NEGR1: variants seen among roughly 807,000 people sequenced by gnomAD.
The protein encoded by NEGR1 is neuronal growth regulator 1, also known as IgLON family member 4.
In NEGR1, 10 loss-of-function variants were observed where a neutral mutation model predicts 40.9. The ratio of observed to expected loss-of-function variants is 0.24; its 90% CI spans 0.15 to 0.42. NEGR1 has a LOEUF of 0.42. Among genes scored for constraint, NEGR1 ranks in the 10% least tolerant of loss-of-function variants. NEGR1 has a pLI of 1.00. For synonymous variants in NEGR1, 185 were observed against 166.8 expected (o/e 1.11, Z -0.84); for missense variants, 352 against 438.9 (o/e 0.80, Z 1.77).
intron 4 of NEGR1, among the ~76,000 whole-genome samples, chr1:71,656,476 G>GCA (rs1651880227): frequency 6.6e-6 from 1 of 152,060 alleles, no homozygotes; most frequent in Non-Finnish European, 1.5e-5. Flanking sequence ...GCAGTGGCGG[G>GCA]ATCTCGGCTT....
chr1:72,234,699 C>T (rs754139566), intron 1 of NEGR1, among the ~76,000 whole-genome samples: 2 of 151,876 alleles, frequency 1.3e-5, no homozygotes, highest in South Asian at 2.1e-4. Context: ...TCAATATTAC[C>T]GATCATTAGA....
intron 1 of NEGR1, among the ~76,000 whole-genome samples, chr1:72,235,587 A>C (rs2100505204): frequency 6.6e-6 from 1 of 152,194 alleles, no homozygotes; most frequent in East Asian, 1.9e-4. Flanking sequence ...AAAATGAGTA[A>C]AATCTGGAAG....
chr1:72,062,091 A>G (rs1407472591), intron 1 of NEGR1, among the ~76,000 whole-genome samples: 1 of 151,846 alleles, frequency 6.6e-6, no homozygotes, highest in Admixed American at 6.6e-5. Flanking sequence ...GTCATTCAAG[A>G]TCCTTTCCAA....
chr1:72,177,896 G>C (rs1472241308), intron 1 of NEGR1, among the ~76,000 whole-genome samples: 6 of 151,844 alleles, frequency 4.0e-5, no homozygotes, highest in Non-Finnish European at 8.8e-5. Context: ...GGTCTCCATT[G>C]AGAAGAGCAG....
intron 1 of NEGR1, among the ~76,000 whole-genome samples, chr1:72,108,973 C>A (rs1463437189): frequency 6.6e-6 from 1 of 151,624 alleles, no homozygotes; most frequent in Non-Finnish European, 1.5e-5. Flanking sequence ...CTTCTCCTGG[C>A]TGCAGTGAGT....
At chr1:71,992,204 G>A (rs114430556) in intron 1 of NEGR1, among the ~76,000 whole-genome samples, 3,239 of 151,964 alleles carry the variant, frequency 0.021, 107 homozygotes, top group African/African-American at 0.074. Flanking sequence ...TAAAAATTGT[G>A]TATTTCATAT....
At chr1:72,131,171 T>A (rs1650235091) in intron 1 of NEGR1, among the ~76,000 whole-genome samples, 1 of 152,196 alleles carries the variant, frequency 6.6e-6, no homozygotes, top group South Asian at 2.1e-4. Flanking sequence ...AAGATTAACT[T>A]TGTATAATTT....
At chr1:72,211,950 G>T (rs1488034741) in intron 1 of NEGR1, among the ~76,000 whole-genome samples, 3 of 151,830 alleles carry the variant, frequency 2.0e-5, no homozygotes, top group African/African-American at 4.8e-5. Flanking sequence ...GCAATGCAAA[G>T]TGGTAAATGA....
chr1:71,590,093 C>A (rs983222841), intron 6 of NEGR1, among the ~76,000 whole-genome samples: 7 of 152,080 alleles, frequency 4.6e-5, no homozygotes, highest in African/African-American at 1.7e-4. Context: ...ATTCCCACAC[C>A]CAGGCTCATC....
At chr1:71,699,761 C>A (rs1400795966) in intron 3 of NEGR1, among the ~76,000 whole-genome samples, 1 of 151,842 alleles carries the variant, frequency 6.6e-6, no homozygotes, top group East Asian at 1.9e-4. Context: ...TGAATTGTAT[C>A]TCCCAGAATT....
At chr1:71,754,633 A>T (rs1386659691) in intron 3 of NEGR1, among the ~76,000 whole-genome samples, 1 of 118,556 alleles carries the variant, frequency 8.4e-6, no homozygotes, top group Non-Finnish European at 1.8e-5. Flanking sequence ...AAAACTCCCC[A>T]CCCCCACCTG....
chr1:71,769,764 C>T lies in NEGR1; in HGVS notation c.535+6408G>A, dbSNP rs535124837. Among the ~76,000 whole-genome samples the T allele has an allele frequency of 1.4e-3, 215 of 152,182 alleles. 1 individual carries two copies. Among genetic ancestry groups the T allele is most frequent in the Non-Finnish European group, 2.5e-3 (172 of 68,020 alleles). ...GTCTTGGGTATGTCTTTATTAGCAG[C>T]GTGAGAATAAACTAATAATCTGTTC... On this transcript the variant is annotated intron_variant, in intron 3 of 6. Coordinates refer to ENST00000357731, the MANE Select transcript of NEGR1 (RefSeq NM_173808.3).
rs113596871 is a variant in NEGR1, at chr1:71,834,460, C to G, written c.410-58163G>C. On this transcript the variant is annotated intron_variant, in intron 2 of 6. Transcript: ENST00000357731. ...AGGAATTCACCACCCACCCCCACCCCCTGCCAACCATTTTTTTTTCCTCCC... is the reference window on the plus strand; with the variant it reads ...AGGAATTCACCACCCACCCCCACCCGCTGCCAACCATTTTTTTTTCCTCCC... Among the ~76,000 whole-genome samples the G allele has an allele frequency of 5.4e-3, 825 of 151,742 alleles. 13 individuals are homozygous for G. Among genetic ancestry groups the G allele is most frequent in the African/African-American group, 0.019 (791 of 41,324 alleles).
intron 2 of NEGR1, among the ~76,000 whole-genome samples, chr1:71,791,494 T>A (rs2061496): frequency 0.25 from 37,261 of 151,876 alleles, 5,977 homozygotes; most frequent in East Asian, 0.59. Context: ...ATGGCTTTTT[T>A]AAAAAAATAT....
chr1:71,961,181 G>C (rs916013464), intron 1 of NEGR1, among the ~76,000 whole-genome samples: 1 of 152,090 alleles, frequency 6.6e-6, no homozygotes, highest in Non-Finnish European at 1.5e-5. Flanking sequence ...CTGTGGGTGG[G>C]CTAAAGGCTA....
intron 2 of NEGR1, among the ~76,000 whole-genome samples, chr1:71,816,101 C>T (rs895469812): frequency 1.3e-5 from 2 of 151,972 alleles, no homozygotes; most frequent in African/African-American, 4.8e-5. Context: ...GCAGAAGATG[C>T]AGTAAAATTT....
intron 1 of NEGR1, among the ~76,000 whole-genome samples, chr1:72,234,628 C>T (rs779966986): frequency 2.0e-5 from 3 of 151,982 alleles, no homozygotes; most frequent in Non-Finnish European, 4.4e-5. Context: ...AGGCAAAGGA[C>T]ATGAACAGAT....
chr1:72,068,781 T>C (rs1569909231), intron 1 of NEGR1, among the ~76,000 whole-genome samples: 3 of 152,180 alleles, frequency 2.0e-5, no homozygotes, highest in Admixed American at 2.0e-4. Flanking sequence ...ACCAAGAAGA[T>C]AAAATTGTCT....
intron 2 of NEGR1, among the ~76,000 whole-genome samples, chr1:71,795,150 G>T (rs1322190775): frequency 6.6e-6 from 1 of 151,854 alleles, no homozygotes. Context: ...CAAATAATTT[G>T]AAAACAAATA....
Sources: allele counts gnomAD v4.1 joint callset (sites outside exome capture counted in the v4.1 genomes callset), GRCh38; gene constraint gnomAD v4.1.1; transcripts MANE v1.5; gene names NCBI Gene and HGNC (gene_info 2026-07-23, HGNC 2026-07-21).